IL3RA: variants seen among roughly 807,000 people sequenced by gnomAD.
The protein encoded by IL3RA is interleukin 3 receptor subunit alpha.
Under a neutral mutation model 52.3 loss-of-function variants are expected in IL3RA, and 73 were observed. That is an observed-to-expected ratio of 1.40 (90% CI 1.16 to 1.70). The LOEUF is 1.70. Ranked by LOEUF, IL3RA falls within the 40% of genes most tolerant of loss-of-function variation. The probability of loss-of-function intolerance (pLI) is 0.00; values close to 1 mark genes in which losing one functional copy is unlikely to be tolerated. For synonymous variants in IL3RA, 260 were observed against 194.0 expected (o/e 1.34, Z -2.83); for missense variants, 664 against 504.4 (o/e 1.32, Z -3.03).
rs111468680 is a variant in IL3RA at position 1,378,270 on chromosome X, G to T, written c.875-389G>T. Among the ~76,000 whole-genome samples the T allele has an allele frequency of 2.8e-4, 42 of 151,340 alleles. No individual in the cohort carries two copies. In the East Asian group the frequency reaches 7.6e-3, roughly 27 times the overall value. ...AAACACAAAATCAAGTTCAAAGCAC[G>T]CACGCCAGTGCTGCCTCTGCTGCCC... On this transcript the variant is annotated intron_variant, in intron 9 of 11. Coordinates refer to ENST00000331035, the MANE Select transcript of IL3RA (RefSeq NM_002183.4).
chrX:1,356,477 C>CA, intron 7 of IL3RA, 141 bp downstream of exon 7: 1 of 635,352 alleles, frequency 1.6e-6, no homozygotes, highest in Non-Finnish European at 2.8e-6. Context: ...AAAACAAAAA[C>CA]AAAAACAAAA....
chrX:1,345,920 CTT>C, intron 3 of IL3RA, among the ~76,000 whole-genome samples: 1 of 152,102 alleles, frequency 6.6e-6, no homozygotes, highest in African/African-American at 2.4e-5. Context: ...TTTGAAGTGA[CTT>C]TGGAGGGTCT....
At chrX:1,340,917 G>A (rs2085463277) in intron 1 of IL3RA, among the ~76,000 whole-genome samples, 1 of 152,134 alleles carries the variant, frequency 6.6e-6, no homozygotes, top group Non-Finnish European at 1.5e-5. Context: ...AGGAGTTCGA[G>A]ACCAGCCTGG....
intron 5 of IL3RA, 32 bp from the exon 6 acceptor site, chrX:1,352,290 G>T: frequency 6.2e-7 from 1 of 1,613,190 alleles, no homozygotes; most frequent in Non-Finnish European, 8.5e-7. Flanking sequence ...CATCGGCGTG[G>T]GGTCGTCCCC....
chrX:1,362,172 C>T (rs2087469014), intron 8 of IL3RA, among the ~76,000 whole-genome samples: 1 of 149,854 alleles, frequency 6.7e-6, no homozygotes, highest in Admixed American at 6.7e-5. Context: ...TTCCCTCTCT[C>T]TTTGTATCTA....
chrX:1,367,967 T>A (rs1433316163), intron 9 of IL3RA, among the ~76,000 whole-genome samples: 1 of 151,846 alleles, frequency 6.6e-6, no homozygotes, highest in Non-Finnish European at 1.5e-5. Flanking sequence ...AGAGGAGACG[T>A]GGAGGGGAAA....
At position 1,360,266 on chromosome X, in the gene IL3RA, T is replaced by C. The variant is rs868240553; in HGVS notation, c.759+1379T>C. ...TCTCTCTCCCTTTCTCCCTCCATCT[T>C]TCTCTCTCTCTCCTGGTCTCTATCT... On this transcript the variant is annotated intron_variant, in intron 8 of 11. Transcript: ENST00000331035. Among the ~76,000 whole-genome samples, 7 of 21,762 alleles carry C rather than the reference T, an allele frequency of 3.2e-4. 1 individual carries two copies. The highest frequency in any genetic ancestry group is 1.3e-3 in the Admixed American group (3 of 2,386). 14.3% of individuals were successfully genotyped at this position (21,762 alleles called of 152,430 possible). A position where few individuals can be genotyped will look rare whatever the true frequency, so the allele number is the denominator to read the frequency against.
At chrX:1,356,387 T>G in intron 7 of IL3RA, 51 bp downstream of exon 7, 7 of 1,186,998 alleles carry the variant, frequency 5.9e-6, no homozygotes, top group East Asian at 2.6e-5. Flanking sequence ...ACATCCCTTA[T>G]TTTTGGTAAG....
chrX:1,353,034 C>T (rs1309698195), intron 6 of IL3RA, among the ~76,000 whole-genome samples: 1 of 145,524 alleles, frequency 6.9e-6, no homozygotes, highest in Non-Finnish European at 1.5e-5. Flanking sequence ...ATCATGGATT[C>T]CATCATGGGT....
chrX:1,342,235 G>A (rs1238381914), intron 2 of IL3RA, among the ~76,000 whole-genome samples: 1 of 151,186 alleles, frequency 6.6e-6, no homozygotes, highest in African/African-American at 2.4e-5. Context: ...GTGTGATCTC[G>A]GCTCACTGCA....
chrX:1,354,354 G>A (rs7391312), intron 6 of IL3RA, among the ~76,000 whole-genome samples: 110,533 of 151,636 alleles, frequency 0.73, 40,601 homozygotes, highest in Middle Eastern at 0.8. Context: ...CAGGTGGTGA[G>A]AATGTCAATA....
intron 8 of IL3RA, among the ~76,000 whole-genome samples, chrX:1,362,196 C>G (rs2087473081): frequency 1.3e-5 from 2 of 150,948 alleles, no homozygotes; most frequent in Non-Finnish European, 2.9e-5. Flanking sequence ...CTTTCTGTCT[C>G]TCCGTTTCTG....
At chrX:1,347,541 C>A (rs1247694555) in intron 3 of IL3RA, among the ~76,000 whole-genome samples, 2 of 150,836 alleles carry the variant, frequency 1.3e-5, no homozygotes, top group African/African-American at 4.9e-5. Context: ...ATTGCTTGAA[C>A]CCGAGAGGTG....
rs147498616 is a variant in IL3RA at position 1,365,224 on chromosome X, G to A, written c.846G>A (p.Leu282=). 18 of 1,610,904 alleles carry A rather than the reference G, an allele frequency of 1.1e-5. No homozygotes were observed. The highest frequency in any genetic ancestry group is 1.5e-5 in the Non-Finnish European group (18 of 1,178,716). The change falls in exon 9 of 12, where the codon TTG becomes TTA. Residue 282 remains leucine (L), a synonymous_variant. Transcript: ENST00000331035. ...CCCGGGAAAGAGTGTATGAATTCTT[G>A]AGCGCCTGGAGCACCCCCCAGCGCT... is the stretch of plus-strand genomic sequence containing the variant. ...IRARERVYEF[L]SAWSTPQRFE... is the part of the protein sequence containing the mutation.
chrX:1,364,613 G>A (rs1168924857), intron 8 of IL3RA, among the ~76,000 whole-genome samples: 2 of 151,094 alleles, frequency 1.3e-5, no homozygotes, highest in African/African-American at 2.4e-5. Context: ...TGGGACCAAA[G>A]ACATGTGTCA....
intron 11 of IL3RA, among the ~76,000 whole-genome samples, chrX:1,381,654 C>T (rs2089182983): frequency 6.6e-6 from 1 of 151,642 alleles, no homozygotes. Flanking sequence ...AAGCGATTGT[C>T]CTGCCTCAGC....
At chrX:1,377,281 G>C (rs183842238) in intron 9 of IL3RA, among the ~76,000 whole-genome samples, 10 of 151,460 alleles carry the variant, frequency 6.6e-5, no homozygotes, top group African/African-American at 2.4e-4. Flanking sequence ...TCACTCTGTC[G>C]CCAGGCTGGA....
At chrX:1,379,634 G>C (rs2089035943) in intron 10 of IL3RA, among the ~76,000 whole-genome samples, 1 of 152,242 alleles carries the variant, frequency 6.6e-6, no homozygotes, top group Admixed American at 6.5e-5. Flanking sequence ...GTCAGAGGGC[G>C]AAAGGCCAGG....
intron 8 of IL3RA, among the ~76,000 whole-genome samples, chrX:1,364,811 T>C (rs1386233897): frequency 6.6e-5 from 10 of 151,250 alleles, no homozygotes; most frequent in Non-Finnish European, 1.2e-4. Context: ...TATTTATTTA[T>C]TTATTTATTT....
Sources: gnomAD v4.1 joint callset for allele counts (sites outside exome capture counted in the v4.1 genomes callset) on GRCh38, gnomAD v4.1.1 for gene constraint, MANE v1.5 for transcripts, NCBI Gene and HGNC (gene_info 2026-07-23, HGNC 2026-07-21) for gene names.